Variants in ITPR3 observed in about 807,000 individuals in gnomAD.
The protein encoded by ITPR3 is inositol 1,4,5-trisphosphate receptor type 3, also known as inositol 1,4,5-trisphosphate-gated calcium channel ITPR3.
ITPR3 carries 173 observed loss-of-function variants against 293.2 expected under a neutral mutation model. The ratio of observed to expected loss-of-function variants is 0.59; its 90% CI spans 0.52 to 0.67. The LOEUF is 0.67. Ranked by LOEUF, ITPR3 falls within the 30% of genes least tolerant of loss-of-function variation. ITPR3 has a pLI of 0.00. For missense variants in ITPR3, 2,796 were observed against 3,592.1 expected (o/e 0.78, Z 5.66); for synonymous variants, 1,295 against 1,444.4 (o/e 0.90, Z 2.35).
In ITPR3 at chr6:33,695,731, G is replaced by A. The variant is rs1252902879; in HGVS notation, c.7967G>A (p.Arg2656His). 11 of 1,614,154 alleles carry A rather than the reference G, an allele frequency of 6.8e-6. No homozygotes were observed. Among genetic ancestry groups the A allele is most frequent in the South Asian group, 2.2e-5 (2 of 91,086 alleles). The change falls in exon 58 of 58, where the codon CGC (arginine) becomes CAC (histidine). Residue 2656 changes from arginine to histidine, a missense_variant. Coordinates refer to ENST00000605930, the MANE Select transcript of ITPR3 (RefSeq NM_002224.4). ...CCCTAGATGACGGAGCAGCGGAAAC[G>A]CAGGCAACGCCTAGGCTTTGTGGAT... is the stretch of plus-strand genomic sequence containing the variant. ...LKEQMTEQRK[R>H]RQRLGFVDVQ...
At chr6:33,657,865 C>A in intron 3 of ITPR3, 67 bp from the exon 4 acceptor site, 1 of 1,313,360 alleles carries the variant, frequency 7.6e-7, no homozygotes, top group African/African-American at 1.5e-5. Context: ...ATGTGTGGGG[C>A]TGGGGTATGT....
In ITPR3 at chr6:33,666,032, C is replaced by A. The variant is rs1009639884; in HGVS notation, c.1551+56C>A. 3.3e-6 allele frequency: 5 copies of A among 1,535,334 alleles called. No individual in the cohort carries two copies. The Admixed American group carries it at 9.8e-5, about 30-fold the overall frequency. On this transcript the variant is annotated intron_variant, in intron 14 of 57. Transcript: ENST00000605930. The surrounding 1 kb of genome is among the most constrained non-coding windows in gnomAD (Gnocchi z 5.1). ...GGGCCGGGTGCCCGGGAGAGGGATG[C>A]CTTCAACTGCAGGCTCATCCCCCGC...
chr6:33,625,157 G>T (rs1290664071), intron 1 of ITPR3, among the ~76,000 whole-genome samples: 3 of 152,230 alleles, frequency 2.0e-5, no homozygotes, highest in African/African-American at 4.8e-5. Flanking sequence ...GTGGCCTCAG[G>T]CCAGTGGCTA....
intron 16 of ITPR3, 53 bp from the exon 17 acceptor site, chr6:33,668,462 A>G (rs1439447468): frequency 1.2e-6 from 2 of 1,612,214 alleles, no homozygotes; most frequent in African/African-American, 2.7e-5. Context: ...CTCTGTCCTT[A>G]GAGGGACCAG....
In ITPR3 at chr6:33,667,559, A is replaced by C. The variant is rs1764643348; in HGVS notation, c.1714-233A>C. 6.6e-6 allele frequency among the ~76,000 whole-genome samples: 1 copy of C among 152,168 alleles called. No individual in the cohort carries two copies. Among genetic ancestry groups the C allele is most frequent in the Non-Finnish European group, 1.5e-5 (1 of 68,030 alleles). On this transcript the variant is annotated intron_variant, in intron 15 of 57. Coordinates refer to ENST00000605930, the MANE Select transcript of ITPR3 (RefSeq NM_002224.4). This position sits in a 1 kb window ranked among gnomAD's most constrained non-coding sequence, Gnocchi z 4.4. The stretch of plus-strand genomic sequence containing the variant: ...AGTTATGTAGCCAATCCTTCCACAC[A>C]AACAAGGTCCCTGCCCTCGTGGAGG...
Position 33,689,383 on chromosome 6 carries a change from C to A in ITPR3, c.6840C>A (p.Pro2280=). Residue 2280 remains proline, a synonymous_variant, in exon 50 of 58, where the codon CCC becomes CCA. Transcript: ENST00000605930. ...LRSIYYLGIG[P]TLNILGALNL... ...CCATCTACTATCTGGGCATCGGGCC[C>A]ACACTCAACATCCTGGGTGCCCTCA... 1 of 1,610,954 alleles carries A rather than the reference C, an allele frequency of 6.2e-7. No individual in the cohort carries two copies. Among genetic ancestry groups the A allele is most frequent in the East Asian group, 2.2e-5 (1 of 44,880 alleles).
In ITPR3 at chr6:33,683,885, T is replaced by G; in HGVS notation, c.4789-135T>G. 2 of 921,696 alleles carry G rather than the reference T, an allele frequency of 2.2e-6. No individual in the cohort carries two copies. Among genetic ancestry groups the G allele is most frequent in the South Asian group, 1.7e-5 (1 of 58,982 alleles). 57.1% of individuals were successfully genotyped at this position (921,696 alleles called of 1,614,324 possible). On this transcript the variant is annotated intron_variant, in intron 35 of 57. Transcript: ENST00000605930. This position sits in a 1 kb window ranked among gnomAD's most constrained non-coding sequence, Gnocchi z 4.5. ...GACAGACATCACGCTGTGTTCAGGG[T>G]GTCTCTGTGGGTGTGGGCCCCTCAG... is the stretch of plus-strand genomic sequence containing the variant.
rs754853838 is a variant in ITPR3, at chr6:33,685,497, C to T, written c.5446C>T (p.His1816Tyr). 6.2e-7 allele frequency: 1 copy of T among 1,613,196 alleles called. No homozygotes were observed. Among genetic ancestry groups the T allele is most frequent in the Non-Finnish European group, 8.5e-7 (1 of 1,179,756 alleles). ...VNMNDLGSQPHEDREPVDPTT... is the reference protein window; with the variant it reads ...VNMNDLGSQPYEDREPVDPTT... ...CATGAATGACCTGGGCAGCCAGCCA[C>T]ATGAGGACCGCGAGCCAGTCGACCC... The change falls in exon 40 of 58, where the codon CAT becomes TAT. Residue 1816 changes from histidine to tyrosine, a missense_variant. Transcript: ENST00000605930.
In ITPR3 at chr6:33,666,295, A is replaced by AT. The variant is rs199936322; in HGVS notation, c.1551+326dup. ...TGGGTCCAGAGCTGTGCTTCAAAAA[A>AT]TTTTTTTAAAAATTTTTTTATTATG... On this transcript the variant is annotated intron_variant, in intron 14 of 57. Transcript: ENST00000605930. This position sits in a 1 kb window ranked among gnomAD's most constrained non-coding sequence, Gnocchi z 5.1. Among the ~76,000 whole-genome samples the AT allele has an allele frequency of 6.6e-6, 1 of 152,092 alleles. No homozygotes were observed. Among genetic ancestry groups the AT allele is most frequent in the African/African-American group, 2.4e-5 (1 of 41,340 alleles).
intron 2 of ITPR3, among the ~76,000 whole-genome samples, chr6:33,648,540 T>A (rs1764119461): frequency 6.6e-6 from 1 of 151,910 alleles, no homozygotes; most frequent in African/African-American, 2.4e-5. Context: ...AGTTACCCTT[T>A]TTTTTTCTTC....
intron 56 of ITPR3, 196 bp from the exon 57 acceptor site, chr6:33,694,728 T>TA: frequency 1.3e-5 from 6 of 461,500 alleles, no homozygotes; most frequent in East Asian, 7.4e-5. Context: ...TGGCAGAGGG[T>TA]TGACAAGAGG....
Position 33,680,605 on chromosome 6 carries a change from C to A in ITPR3, c.4401C>A (p.Tyr1467Ter), listed in dbSNP as rs182448576. 1.2e-6 allele frequency: 2 copies of A among 1,613,998 alleles called. No individual in the cohort carries two copies. The highest frequency in any genetic ancestry group is 1.7e-5 in the Admixed American group (1 of 60,010). The change falls in exon 33 of 58, where the codon TAC becomes TAA. Residue 1467 changes from tyrosine to a stop codon, truncating the protein, a stop_gained. Coordinates refer to ENST00000605930, the MANE Select transcript of ITPR3 (RefSeq NM_002224.4). LOFTEE classifies it high-confidence loss of function. ...TGGCTGACCCCACCTTGGAGAAGTA[C>A]GTGCTGAGCGTTGTGCTGGACACCA... The part of the protein sequence containing the change: ...KRVADPTLEK[Y>*]VLSVVLDTIN...
In ITPR3 at chr6:33,691,829, G is replaced by GGCCTGTGACACTCTGTTGATGT; in HGVS notation, c.7362_7383dup (p.Ile2462LeufsTer2). ...ACAGGGAGCTGGACAGCACAGAGCG[G>GGCCTGTGACACTCTGTTGATGT]GCCTGTGACACTCTGTTGATGTGCA... On this transcript the variant is annotated frameshift_variant, in exon 54 of 58. Coordinates refer to ENST00000605930, the MANE Select transcript of ITPR3 (RefSeq NM_002224.4). LOFTEE classifies it high-confidence loss of function. The surrounding 1 kb of genome is among the most constrained non-coding windows in gnomAD (Gnocchi z 4.9). 1 of 1,614,118 alleles carries GGCCTGTGACACTCTGTTGATGT rather than the reference G, an allele frequency of 6.2e-7. No individual in the cohort carries two copies. Among genetic ancestry groups the GGCCTGTGACACTCTGTTGATGT allele is most frequent in the Non-Finnish European group, 8.5e-7 (1 of 1,179,998 alleles).
rs1350129282 is a variant in ITPR3, at chr6:33,655,422, A to C, written c.161-344A>C. Among the ~76,000 whole-genome samples, 1 of 152,128 alleles carries C rather than the reference A, an allele frequency of 6.6e-6. No individual in the cohort carries two copies. Among genetic ancestry groups the C allele is most frequent in the Admixed American group, 6.5e-5 (1 of 15,272 alleles). On this transcript the variant is annotated intron_variant, in intron 2 of 57. Coordinates refer to ENST00000605930, the MANE Select transcript of ITPR3 (RefSeq NM_002224.4). The surrounding 1 kb of genome is among the most constrained non-coding windows in gnomAD (Gnocchi z 4.9). ...ATTAGCTAAAGAGGATGCAGATGTG[A>C]GCTGTTAGCTGCCAATACTCACAAA...
At chr6:33,695,572 C>T (rs532474514) in intron 57 of ITPR3, 140 bp from the exon 58 acceptor site, 237 of 759,618 alleles carry the variant, frequency 3.1e-4, no homozygotes, top group African/African-American at 2.1e-3. Flanking sequence ...TAAAGCACCC[C>T]GAGGGGCCCT....
chr6:33,694,693 C>T, intron 56 of ITPR3: 4 of 540,402 alleles, frequency 7.4e-6, no homozygotes, highest in Non-Finnish European at 9.8e-6. Flanking sequence ...GCCGACGCTG[C>T]CTAACGGAAG....
At position 33,672,266 on chromosome 6, in the gene ITPR3, A is replaced by C; in HGVS notation, c.2928+38A>C. 1.1e-4 allele frequency: 80 copies of C among 753,624 alleles called. No individual in the cohort carries two copies. Among genetic ancestry groups the C allele is most frequent in the Non-Finnish European group, 1.6e-4 (75 of 475,966 alleles). 46.7% of individuals were successfully genotyped at this position (753,624 alleles called of 1,614,324 possible). The stretch of plus-strand genomic sequence containing the variant: ...GGACCGTGTGGGAGGTGTTGGGTAT[A>C]GGGGGAGGGTAATGGGGCGGGTACA... On this transcript the variant is annotated intron_variant, in intron 22 of 57. Transcript: ENST00000605930. The surrounding 1 kb of genome is among the most constrained non-coding windows in gnomAD (Gnocchi z 5.0).
At position 33,665,036 on chromosome 6, in the gene ITPR3, G is replaced by C. The variant is rs1485082354; in HGVS notation, c.1249-17G>C. 6.2e-7 allele frequency: 1 copy of C among 1,613,520 alleles called. No individual in the cohort carries two copies. Among genetic ancestry groups the C allele is most frequent in the African/African-American group, 1.3e-5 (1 of 74,908 alleles). ...GGAGCTTGTTCCCAGGTGCCCTGCT[G>C]ACCCCTGTCTCTGCAGCTGGGCACC... is the stretch of plus-strand genomic sequence containing the variant. On this transcript the variant is annotated splice_polypyrimidine_tract_variant and intron_variant, in intron 12 of 57. Coordinates refer to ENST00000605930, the MANE Select transcript of ITPR3 (RefSeq NM_002224.4).
At chr6:33,640,691 C>T (rs1763930432) in intron 2 of ITPR3, 137 bp downstream of exon 2, 16 of 665,930 alleles carry the variant, frequency 2.4e-5, no homozygotes, top group Middle Eastern at 3.9e-4. Flanking sequence ...ACTCTGCTGT[C>T]GGCGGAATCC....
Sources: gnomAD v4.1 joint callset for allele counts (sites outside exome capture counted in the v4.1 genomes callset) on GRCh38, gnomAD v4.1.1 for gene constraint, Gnocchi (gnomAD v3.1) non-coding constraint, MANE v1.5 for transcripts, NCBI Gene and HGNC (gene_info 2026-07-23, HGNC 2026-07-21) for gene names.